Variants in CDH23 observed in about 807,000 individuals in gnomAD.
CDH23 encodes the protein cadherin-23.
CDH23 carries 189 observed loss-of-function variants against 317.1 expected under a neutral mutation model. The ratio of observed to expected loss-of-function variants is 0.60; its 90% CI spans 0.53 to 0.67. The LOEUF is 0.67. CDH23 is among the 30% of genes least tolerant of loss of function. CDH23 has a pLI of 0.00. For missense variants in CDH23, 4,401 were observed against 4,592.4 expected (o/e 0.96, Z 1.20); for synonymous variants, 1,839 against 1,876.8 (o/e 0.98, Z 0.52).
intron 28 of CDH23, chr10:71,715,683 C>G: frequency 2.8e-6 from 1 of 359,968 alleles, no homozygotes; most frequent in Non-Finnish European, 5.0e-6. Flanking sequence ...CAGATGACCA[C>G]GAGTGCACAT....
intron 6 of CDH23, among the ~76,000 whole-genome samples, chr10:71,523,577 G>T (rs1053181530): frequency 1.3e-5 from 2 of 152,200 alleles, no homozygotes; most frequent in South Asian, 2.1e-4. Flanking sequence ...GGGAGGCACG[G>T]GTCGGAGCCA....
At position 71,791,301 on chromosome 10, in the gene CDH23, C is replaced by A; in HGVS notation, c.6219C>A (p.Thr2073=). ...ACCGGCCCACCTTTAGCCCTGCCAC[C>A]CTCACTGTCCATCTGCTAGAGAACT... ...NDNRPTFSPA[T]LTVHLLENCP... Residue 2073 remains threonine (T), a synonymous_variant, in exon 47 of 70, where the codon ACC becomes ACA. Transcript: ENST00000224721. The A allele has an allele frequency of 4.3e-6, 7 of 1,613,868 alleles. No individual in the cohort carries two copies. The highest frequency in any genetic ancestry group is 5.9e-6 in the Non-Finnish European group (7 of 1,179,864).
intron 35 of CDH23, 130 bp from the exon 36 acceptor site, chr10:71,739,514 T>C (rs1839676642): frequency 3.6e-6 from 4 of 1,104,222 alleles, no homozygotes; most frequent in Non-Finnish European, 5.1e-6. Context: ...CTTAAAACAC[T>C]GCACTCCCAA....
intron 6 of CDH23, among the ~76,000 whole-genome samples, chr10:71,560,478 C>G (rs1288061505): frequency 6.6e-6 from 1 of 152,144 alleles, no homozygotes; most frequent in Non-Finnish European, 1.5e-5. Context: ...GGGCCCTGAG[C>G]CCACTCTCCA....
chr10:71,514,532 C>A (rs559532572), intron 6 of CDH23, among the ~76,000 whole-genome samples: 1 of 152,148 alleles, frequency 6.6e-6, no homozygotes, highest in Non-Finnish European at 1.5e-5. Flanking sequence ...CTGCCTGCCT[C>A]TCCTTGGCCC....
intron 3 of CDH23, among the ~76,000 whole-genome samples, chr10:71,498,441 T>TC (rs1853093731): frequency 6.6e-6 from 1 of 152,170 alleles, no homozygotes; most frequent in South Asian, 2.1e-4. Context: ...ATCCTGAACT[T>TC]CCCCAGGGTC....
intron 19 of CDH23, 81 bp downstream of exon 19, chr10:71,687,800 G>A: frequency 7.9e-7 from 1 of 1,273,450 alleles, no homozygotes; most frequent in Non-Finnish European, 1.1e-6. Flanking sequence ...GCAGACCCCG[G>A]CTCTGCACAC....
intron 6 of CDH23, among the ~76,000 whole-genome samples, chr10:71,517,407 T>C (rs1377557924): frequency 6.6e-6 from 1 of 152,152 alleles, no homozygotes; most frequent in African/African-American, 2.4e-5. Context: ...CCAGACAGGG[T>C]CCAGAGCGTG....
chr10:71,658,657 C>T (rs150041195), intron 14 of CDH23, among the ~76,000 whole-genome samples: 636 of 152,314 alleles, frequency 4.2e-3, no homozygotes, highest in Admixed American at 7.7e-3. Context: ...TTTTACAGGG[C>T]GTTCCCTGTC....
At chr10:71,410,562 A>C (rs931248056) in intron 1 of CDH23, among the ~76,000 whole-genome samples, 1 of 152,248 alleles carries the variant, frequency 6.6e-6, no homozygotes, top group Non-Finnish European at 1.5e-5. Flanking sequence ...AAAAGTGTGC[A>C]AATGTGTTTA....
intron 6 of CDH23, among the ~76,000 whole-genome samples, chr10:71,533,848 C>G (rs1015773368): frequency 6.6e-6 from 1 of 152,058 alleles, no homozygotes; most frequent in African/African-American, 2.4e-5. Context: ...GCTCTCATTA[C>G]CAGCTGTCTA....
chr10:71,613,842 C>T (rs779569556), intron 9 of CDH23, among the ~76,000 whole-genome samples: 1 of 152,204 alleles, frequency 6.6e-6, no homozygotes, highest in African/African-American at 2.4e-5. Flanking sequence ...AACGTGGAAT[C>T]GGTGTCCATC....
At position 71,803,070 on chromosome 10, in the gene CDH23, G is replaced by C. The variant is rs1369657549; in HGVS notation, c.7655G>C (p.Gly2552Ala). The change falls in exon 54 of 70, where the codon GGC (glycine) becomes GCC (alanine). Residue 2552 changes from glycine to alanine, a missense_variant. By Grantham distance (60) the Gly-to-Ala change is moderately conservative. This residue lies in a region of CDH23 where 1,144 missense variants were observed against 1,138.2 expected (regional missense o/e 1.01). Transcript: ENST00000224721. The part of the protein sequence containing the change: ...GELTYSLEGP[G>A]VEAFHVDMDS... ...TTGACCTACTCACTTGAGGGCCCTG[G>C]CGTGGGTATGTGGCCTTCCTTGGAC... 6.2e-7 allele frequency: 1 copy of C among 1,609,318 alleles called. No individual in the cohort carries two copies. Among genetic ancestry groups the C allele is most frequent in the East Asian group, 2.2e-5 (1 of 44,726 alleles).
chr10:71,761,036 T>A, intron 38 of CDH23: 3 of 1,073,452 alleles, frequency 2.8e-6, no homozygotes, highest in Admixed American at 1.9e-5. Context: ...TAGTGCCTAC[T>A]CGGCAGTGTT....
intron 3 of CDH23, among the ~76,000 whole-genome samples, chr10:71,471,358 C>G (rs1301620423): frequency 1.3e-5 from 2 of 152,222 alleles, no homozygotes; most frequent in Non-Finnish European, 2.9e-5. Context: ...GCAGGTCACT[C>G]ACGACCTGGA....
intron 44 of CDH23, among the ~76,000 whole-genome samples, chr10:71,786,188 C>G (rs1187466122): frequency 6.6e-6 from 1 of 152,216 alleles, no homozygotes; most frequent in Non-Finnish European, 1.5e-5. Flanking sequence ...GTGGCTCTCC[C>G]CTCAGAAGCC....
chr10:71,436,044 G>C (rs1395696385), intron 1 of CDH23, among the ~76,000 whole-genome samples: 1 of 152,270 alleles, frequency 6.6e-6, no homozygotes, highest in Non-Finnish European at 1.5e-5. Flanking sequence ...GAGCCCTTCA[G>C]GCCCAGCTGC....
intron 18 of CDH23, among the ~76,000 whole-genome samples, chr10:71,685,128 A>G (rs756656969): frequency 6.6e-6 from 1 of 152,202 alleles, no homozygotes; most frequent in Non-Finnish European, 1.5e-5. Flanking sequence ...GACTGAGACC[A>G]GTGCTTCTCA....
intron 41 of CDH23, 22 bp from the exon 42 acceptor site, chr10:71,784,265 G>C (rs760923270): frequency 6.2e-7 from 1 of 1,607,086 alleles, no homozygotes; most frequent in South Asian, 1.1e-5. Context: ...GACTAACTTG[G>C]GCCTCTCCTG....
Sources: allele counts gnomAD v4.1 joint callset (sites outside exome capture counted in the v4.1 genomes callset), GRCh38; gene constraint gnomAD v4.1.1; regional missense constraint gnomAD v4.1.1; transcripts MANE v1.5; gene names NCBI Gene and HGNC (gene_info 2026-07-23, HGNC 2026-07-21).